MACROD2: variants seen among roughly 807,000 people sequenced by gnomAD.
MACROD2 encodes the protein mono-ADP ribosylhydrolase 2.
A neutral mutation model predicts 70.4 loss-of-function variants in MACROD2; 36 were observed. The ratio of observed to expected loss-of-function variants is 0.51; its 90% CI spans 0.39 to 0.68. The LOEUF (loss-of-function observed/expected upper bound fraction) is 0.68. MACROD2 is among the 30% of genes least tolerant of loss of function. The pLI is 0.00. For missense variants in MACROD2, 496 were observed against 538.4 expected (o/e 0.92, Z 0.78); for synonymous variants, 172 against 178.8 (o/e 0.96, Z 0.30).
At chr20:14,739,358 G>A (rs1055384899) in intron 5 of MACROD2, among the ~76,000 whole-genome samples, 3 of 151,770 alleles carry the variant, frequency 2.0e-5, no homozygotes, top group Non-Finnish European at 4.4e-5. Context: ...GGCAAAAAAG[G>A]ACAGGATAAT....
At chr20:15,380,471 T>C (rs2146277045) in intron 6 of MACROD2, among the ~76,000 whole-genome samples, 1 of 151,568 alleles carries the variant, frequency 6.6e-6, no homozygotes, top group South Asian at 2.1e-4. Flanking sequence ...ATTTAACAAA[T>C]TGAATGATAT....
At chr20:14,567,945 A>G (rs1979917395) in intron 4 of MACROD2, among the ~76,000 whole-genome samples, 1 of 152,054 alleles carries the variant, frequency 6.6e-6, no homozygotes, top group African/African-American at 2.4e-5. Flanking sequence ...AACACTGGCA[A>G]AACATTATTT....
chr20:14,862,218 T>A (rs371366570), intron 5 of MACROD2, among the ~76,000 whole-genome samples: 2 of 34,332 alleles, frequency 5.8e-5, no homozygotes, highest in Non-Finnish European at 1.0e-4. Context: ...TATATATATA[T>A]ATAAATATAT....
At chr20:14,251,355 T>C (rs1395325168) in intron 3 of MACROD2, among the ~76,000 whole-genome samples, 2 of 152,184 alleles carry the variant, frequency 1.3e-5, no homozygotes, top group Non-Finnish European at 2.9e-5. Context: ...GAATTGTTTG[T>C]ATATTTGTCA....
intron 5 of MACROD2, among the ~76,000 whole-genome samples, chr20:14,882,687 C>T (rs998293030): frequency 2.6e-5 from 4 of 152,142 alleles, no homozygotes; most frequent in Non-Finnish European, 5.9e-5. Context: ...AGCAGAAAGG[C>T]GTTCAGACCG....
intron 6 of MACROD2, among the ~76,000 whole-genome samples, chr20:15,388,986 G>A (rs545251537): frequency 6.9e-6 from 1 of 145,506 alleles, no homozygotes; most frequent in East Asian, 1.9e-4. Context: ...GGCCAACAGG[G>A]TCAAAGAATT....
intron 10 of MACROD2, among the ~76,000 whole-genome samples, chr20:15,907,119 C>G (rs554347688): frequency 2.6e-5 from 4 of 152,330 alleles, no homozygotes; most frequent in Admixed American, 2.0e-4. Flanking sequence ...GTAATAACGC[C>G]TTAGCCTTGG....
intron 5 of MACROD2, among the ~76,000 whole-genome samples, chr20:14,897,668 G>GA (rs1256502567): frequency 6.6e-6 from 1 of 152,090 alleles, no homozygotes; most frequent in Non-Finnish European, 1.5e-5. Context: ...TGATGGGGCA[G>GA]AAAGGCAGAA....
At chr20:15,677,385 G>A (rs564613993) in intron 8 of MACROD2, among the ~76,000 whole-genome samples, 48 of 152,206 alleles carry the variant, frequency 3.2e-4, no homozygotes, top group African/African-American at 9.9e-4. Flanking sequence ...GGGGGGAAGT[G>A]GGGTGGAGGT....
chr20:15,907,571 T>A (rs2065166466), intron 10 of MACROD2, among the ~76,000 whole-genome samples: 1 of 152,250 alleles, frequency 6.6e-6, no homozygotes, highest in African/African-American at 2.4e-5. Context: ...AGGCATGCCC[T>A]TGAATTGTTT....
intron 3 of MACROD2, among the ~76,000 whole-genome samples, chr20:14,159,795 T>C (rs2055157263): frequency 6.6e-6 from 1 of 152,164 alleles, no homozygotes; most frequent in Non-Finnish European, 1.5e-5. Context: ...ATCCTTGTCT[T>C]GTTCTAGTTC....
chr20:15,608,780 T>A (rs1403051529), intron 8 of MACROD2, among the ~76,000 whole-genome samples: 1 of 152,230 alleles, frequency 6.6e-6, no homozygotes, highest in East Asian at 1.9e-4. Flanking sequence ...TGTTTAACTT[T>A]AGATACCTGT....
chr20:16,022,207 T>C (rs796505), intron 15 of MACROD2, among the ~76,000 whole-genome samples: 120,195 of 151,982 alleles, frequency 0.79, 48,261 homozygotes, highest in South Asian at 0.94. Flanking sequence ...CCCACTACCA[T>C]ACCCGGCTAA....
intron 3 of MACROD2, among the ~76,000 whole-genome samples, chr20:14,392,068 T>C (rs142663572): frequency 1.1e-3 from 172 of 152,114 alleles, no homozygotes; most frequent in Non-Finnish European, 1.1e-3. Flanking sequence ...AGACTTTTCT[T>C]TTAATTTCAT....
chr20:15,397,326 C>T (rs1417396622), intron 6 of MACROD2, among the ~76,000 whole-genome samples: 2 of 151,956 alleles, frequency 1.3e-5, no homozygotes, highest in Non-Finnish European at 2.9e-5. Context: ...ATAAGAGTCT[C>T]ACTCTGTTGC....
At chr20:14,828,585 G>A (rs758638303) in intron 5 of MACROD2, among the ~76,000 whole-genome samples, 7 of 152,036 alleles carry the variant, frequency 4.6e-5, no homozygotes, top group Non-Finnish European at 7.4e-5. Context: ...AATGGGTGGA[G>A]ACTAATCTGA....
chr20:15,970,615 G>T (rs774264190), intron 13 of MACROD2, among the ~76,000 whole-genome samples: 1 of 152,116 alleles, frequency 6.6e-6, no homozygotes, highest in East Asian at 1.9e-4. Context: ...AACTCTCCAC[G>T]TTGAGGAGAC....
At chr20:15,162,598 A>G (rs1420973245) in intron 5 of MACROD2, among the ~76,000 whole-genome samples, 2 of 152,170 alleles carry the variant, frequency 1.3e-5, no homozygotes, top group Non-Finnish European at 2.9e-5. Context: ...CCCTTAGCAC[A>G]GAAATAAAAA....
Position 15,146,077 on chromosome 20 carries a change from C to T in MACROD2, c.419-83863C>T, listed in dbSNP as rs1215119670. 2.0e-5 allele frequency among the ~76,000 whole-genome samples: 3 copies of T among 152,092 alleles called. No individual in the cohort carries two copies. The East Asian group carries it at 5.8e-4, about 29-fold the overall frequency. On this transcript the variant is annotated intron_variant, in intron 5 of 17. Coordinates refer to ENST00000684519, the MANE Select transcript of MACROD2 (RefSeq NM_001351661.2). ...GTTACATTTATTCCCAATCTTTGAG[C>T]TTTCAATCTCATACAGCTTTGATAC...
Sources: allele counts gnomAD v4.1 joint callset (sites outside exome capture counted in the v4.1 genomes callset), GRCh38; gene constraint gnomAD v4.1.1; transcripts MANE v1.5; gene names NCBI Gene and HGNC (gene_info 2026-07-23, HGNC 2026-07-21).